DDX39A: variants seen among roughly 807,000 people sequenced by gnomAD.
The protein encoded by DDX39A is ATP-dependent RNA helicase DDX39A.
In DDX39A, 13 loss-of-function variants were observed where a neutral mutation model predicts 46.3. The observed-to-expected ratio is 0.28, with a 90% CI of 0.18 to 0.45. DDX39A has a LOEUF of 0.45. DDX39A is among the 20% of genes least tolerant of loss of function. The pLI, the probability that DDX39A is intolerant of heterozygous loss-of-function variation, is 1.00. For synonymous variants in DDX39A, 234 were observed against 224.6 expected (o/e 1.04, Z -0.38); for missense variants, 352 against 581.8 (o/e 0.61, Z 4.06).
At position 14,411,318 on chromosome 19, in the gene DDX39A, G is replaced by A. The variant is rs1038592774; in HGVS notation, c.430-146C>T. 6.5e-6 allele frequency: 7 copies of A among 1,082,716 alleles called. No individual in the cohort carries two copies. In the African/African-American group the frequency reaches 1.1e-4, roughly 17 times the overall value. 67.1% of individuals were successfully genotyped at this position (1,082,716 alleles called of 1,614,324 possible). On this transcript the variant is annotated intron_variant, in intron 4 of 10. Transcript: ENST00000242776. This position sits in a 1 kb window ranked among gnomAD's most constrained non-coding sequence, Gnocchi z 4.1. Reference sequence around the variant, plus strand: ...GGGCTCCACTCAAAGGCAGCCCCAGGCTGGGACCTGCGCAGGCCCCTGGGA... The same window carrying A: ...GGGCTCCACTCAAAGGCAGCCCCAGACTGGGACCTGCGCAGGCCCCTGGGA...
At chr19:14,413,252 C>A (rs781140368) in intron 1 of DDX39A, 28 bp from the exon 2 acceptor site, 4 of 1,592,460 alleles carry the variant, frequency 2.5e-6, no homozygotes, top group Non-Finnish European at 3.4e-6. Context: ...CAGGGTCCCG[C>A]GAGTGGGCAC....
At position 14,412,934 on chromosome 19, in the gene DDX39A, G is replaced by A; in HGVS notation, c.208+79C>T. 1 of 1,490,146 alleles carries A rather than the reference G, an allele frequency of 6.7e-7. No homozygotes were observed. Among genetic ancestry groups the A allele is most frequent in the Non-Finnish European group, 9.1e-7 (1 of 1,096,610 alleles). 92.3% of individuals were successfully genotyped at this position (1,490,146 alleles called of 1,614,324 possible). A position where few individuals can be genotyped will look rare whatever the true frequency, so the allele number is the denominator to read the frequency against. ...CTCCCTCACCCACGGCAAACTGGAG[G>A]CGGCACCGCTCTGGGCGGGCAGGGC... On this transcript the variant is annotated intron_variant, in intron 2 of 10. Coordinates refer to ENST00000242776, the MANE Select transcript of DDX39A (RefSeq NM_005804.4). This position sits in a 1 kb window ranked among gnomAD's most constrained non-coding sequence, Gnocchi z 4.4.
chr19:14,409,694 G>A lies in DDX39A; in HGVS notation c.864+48C>T, dbSNP rs1213755463. The A allele has an allele frequency of 6.2e-7, 1 of 1,611,448 alleles. No individual in the cohort carries two copies. The highest frequency in any genetic ancestry group is 1.3e-5 in the African/African-American group (1 of 74,876). Reference sequence around the variant, plus strand: ...GGCCACACAGTCCCTGTGGCCCAGTGACCTCCCGAAGGTCCTGAGCCCCAG... The same window carrying A: ...GGCCACACAGTCCCTGTGGCCCAGTAACCTCCCGAAGGTCCTGAGCCCCAG... On this transcript the variant is annotated intron_variant, in intron 7 of 10. Transcript: ENST00000242776. The surrounding 1 kb of genome is among the most constrained non-coding windows in gnomAD (Gnocchi z 8.3).
rs2146387030 is a variant in DDX39A, at chr19:14,410,595, G to A, written c.614-261C>T. On this transcript the variant is annotated intron_variant, in intron 5 of 10. Transcript: ENST00000242776. The surrounding 1 kb of genome is among the most constrained non-coding windows in gnomAD (Gnocchi z 4.3). ...CCCGTGCGCCTCGAGCCACGCTTCA[G>A]GGAGGGGAGCCTGAGGCAGAGACAG... 1 of 535,790 alleles carries A rather than the reference G, an allele frequency of 1.9e-6. No homozygotes were observed. Among genetic ancestry groups the A allele is most frequent in the African/African-American group, 1.9e-5 (1 of 52,650 alleles). The allele number at this position is 535,790 out of a possible 1,614,324, so 33.2% of individuals were successfully genotyped here. A position where few individuals can be genotyped will look rare whatever the true frequency, so the allele number is the denominator to read the frequency against.
intron 1 of DDX39A, among the ~76,000 whole-genome samples, chr19:14,415,564 T>G (rs1055113776): frequency 2.0e-4 from 30 of 152,010 alleles, no homozygotes; most frequent in Non-Finnish European, 3.4e-4. Context: ...TCCAAAGTGC[T>G]GGGATTACAG....
intron 1 of DDX39A, among the ~76,000 whole-genome samples, chr19:14,415,658 A>G (rs1976782883): frequency 6.6e-6 from 1 of 151,632 alleles, no homozygotes; most frequent in Non-Finnish European, 1.5e-5. Context: ...TTGCTTAACC[A>G]CTGTCAGCTG....
rs1976598820 is a variant in DDX39A at position 14,411,709 on chromosome 19, C to G, written c.337-111G>C. The G allele has an allele frequency of 5.4e-6, 5 of 920,742 alleles. No homozygotes were observed. Among genetic ancestry groups the G allele is most frequent in the Non-Finnish European group, 8.5e-6 (5 of 585,740 alleles). The allele number at this position is 920,742 out of a possible 1,614,324, so 57.0% of individuals were successfully genotyped here. ...TGACACTGCACCCAACATCACAGGC[C>G]ATTTGAAGGCCCGGTCCAAATGCCT... On this transcript the variant is annotated intron_variant, in intron 3 of 10. Transcript: ENST00000242776. This position sits in a 1 kb window ranked among gnomAD's most constrained non-coding sequence, Gnocchi z 4.1.
Position 14,411,305 on chromosome 19 carries a change from A to C in DDX39A, c.430-133T>G. ...TGAGAGCCTCCCGGGGCTCCACTCA[A>C]AGGCAGCCCCAGGCTGGGACCTGCG... is the stretch of plus-strand genomic sequence containing the variant. On this transcript the variant is annotated intron_variant, in intron 4 of 10. Transcript: ENST00000242776. The surrounding 1 kb of genome is among the most constrained non-coding windows in gnomAD (Gnocchi z 4.1). The C allele has an allele frequency of 2.6e-6, 3 of 1,159,656 alleles. No homozygotes were observed. The highest frequency in any genetic ancestry group is 3.6e-6 in the Non-Finnish European group (3 of 826,256). 71.8% of individuals were successfully genotyped at this position (1,159,656 alleles called of 1,614,324 possible).
At position 14,411,291 on chromosome 19, in the gene DDX39A, C is replaced by T. The variant is rs1464170996; in HGVS notation, c.430-119G>A. On this transcript the variant is annotated intron_variant, in intron 4 of 10. Transcript: ENST00000242776. The surrounding 1 kb of genome is among the most constrained non-coding windows in gnomAD (Gnocchi z 4.1). ...GACCAAGGCAGGCCTGAGAGCCTCCCGGGGCTCCACTCAAAGGCAGCCCCA... is the reference window on the plus strand; with the variant it reads ...GACCAAGGCAGGCCTGAGAGCCTCCTGGGGCTCCACTCAAAGGCAGCCCCA... 19 of 1,233,882 alleles carry T rather than the reference C, an allele frequency of 1.5e-5. No homozygotes were observed. Among genetic ancestry groups the T allele is most frequent in the East Asian group, 9.5e-5 (4 of 42,144 alleles). 76.4% of individuals were successfully genotyped at this position (1,233,882 alleles called of 1,614,324 possible). A position where few individuals can be genotyped will look rare whatever the true frequency, so the allele number is the denominator to read the frequency against.
rs1169484039 is a variant in DDX39A at position 14,411,947 on chromosome 19, C to T, written c.337-349G>A. Among the ~76,000 whole-genome samples the T allele has an allele frequency of 3.3e-5, 5 of 152,208 alleles. No homozygotes were observed. The highest frequency in any genetic ancestry group is 3.3e-4 in the Admixed American group (5 of 15,274). ...ATCTCGGCACTCGGGCGGCCCCGGT[C>T]TTCCCACCCGTGCCATCAGACACTG... On this transcript the variant is annotated intron_variant, in intron 3 of 10. Coordinates refer to ENST00000242776, the MANE Select transcript of DDX39A (RefSeq NM_005804.4). This position sits in a 1 kb window ranked among gnomAD's most constrained non-coding sequence, Gnocchi z 4.1.
rs1396640221 is a variant in DDX39A, at chr19:14,413,256, TGG to T, written c.-4-34_-4-33del. ...AGAGAGAGAGGCAGGGTCCCGCGAG[TGG>T]GCACAGAAGGATGATGAAGCTTCAT... is the stretch of plus-strand genomic sequence containing the variant. On this transcript the variant is annotated intron_variant, in intron 1 of 10. Coordinates refer to ENST00000242776, the MANE Select transcript of DDX39A (RefSeq NM_005804.4). The T allele has an allele frequency of 1.9e-6, 3 of 1,588,318 alleles. No individual in the cohort carries two copies. In the East Asian group the frequency reaches 6.7e-5, roughly 36 times the overall value.
In DDX39A at chr19:14,412,941, C is replaced by A; in HGVS notation, c.208+72G>T. The A allele has an allele frequency of 6.6e-7, 1 of 1,522,406 alleles. No individual in the cohort carries two copies. The highest frequency in any genetic ancestry group is 1.2e-5 in the South Asian group (1 of 80,946). 94.3% of individuals were successfully genotyped at this position (1,522,406 alleles called of 1,614,324 possible). A position where few individuals can be genotyped will look rare whatever the true frequency, so the allele number is the denominator to read the frequency against. On this transcript the variant is annotated intron_variant, in intron 2 of 10. Transcript: ENST00000242776. This position sits in a 1 kb window ranked among gnomAD's most constrained non-coding sequence, Gnocchi z 4.4. ...ACCCACGGCAAACTGGAGGCGGCAC[C>A]GCTCTGGGCGGGCAGGGCTGGTCTT...
intron 1 of DDX39A, 200 bp downstream of exon 1, chr19:14,419,070 A>G (rs546830125): frequency 1.4e-4 from 60 of 439,188 alleles, no homozygotes; most frequent in South Asian, 8.8e-4. Context: ...ACCGCGCGCC[A>G]ACGGCTGGCC....
intron 1 of DDX39A, 44 bp from the exon 2 acceptor site, chr19:14,413,268 G>T: frequency 6.5e-7 from 1 of 1,546,684 alleles, no homozygotes; most frequent in Non-Finnish European, 8.8e-7. Context: ...GGCACAGAAG[G>T]ATGATGAAGC....
Position 14,412,408 on chromosome 19 carries a change from A to G in DDX39A, c.336+143T>C. On this transcript the variant is annotated intron_variant, in intron 3 of 10. Coordinates refer to ENST00000242776, the MANE Select transcript of DDX39A (RefSeq NM_005804.4). The surrounding 1 kb of genome is among the most constrained non-coding windows in gnomAD (Gnocchi z 4.4). ...CAGTGGTGTGATCATAGCACACTGCAGCCTCGACTTCCTGGGCTCAAGCAA... is the reference window on the plus strand; with the variant it reads ...CAGTGGTGTGATCATAGCACACTGCGGCCTCGACTTCCTGGGCTCAAGCAA... 8.7e-7 allele frequency: 1 copy of G among 1,148,384 alleles called. No homozygotes were observed. 71.1% of individuals were successfully genotyped at this position (1,148,384 alleles called of 1,614,324 possible). A position where few individuals can be genotyped will look rare whatever the true frequency, so the allele number is the denominator to read the frequency against.
chr19:14,412,701 G>C lies in DDX39A; in HGVS notation c.209-23C>G, dbSNP rs773412254. ...GGACTGCAGGAGAAGCAGAGCGTGA[G>C]GGACGAGAACCTGGATGCACCCCCG... On this transcript the variant is annotated intron_variant, in intron 2 of 10. Coordinates refer to ENST00000242776, the MANE Select transcript of DDX39A (RefSeq NM_005804.4). This position sits in a 1 kb window ranked among gnomAD's most constrained non-coding sequence, Gnocchi z 4.4. 8 of 1,588,994 alleles carry C rather than the reference G, an allele frequency of 5.0e-6. No individual in the cohort carries two copies. The highest frequency in any genetic ancestry group is 6.8e-6 in the Non-Finnish European group (8 of 1,171,746).
intron 1 of DDX39A, among the ~76,000 whole-genome samples, chr19:14,415,007 C>CAGAT (rs1041651546): frequency 6.6e-6 from 1 of 151,142 alleles, no homozygotes; most frequent in African/African-American, 2.4e-5. Flanking sequence ...CCACTTAAGG[C>CAGAT]AGATAATTCA....
intron 1 of DDX39A, 21 bp from the exon 2 acceptor site, chr19:14,413,245 G>A: frequency 6.2e-7 from 1 of 1,604,922 alleles, no homozygotes. Context: ...AGAGAGGCAG[G>A]GTCCCGCGAG....
At chr19:14,414,748 G>A (rs1320821269) in intron 1 of DDX39A, among the ~76,000 whole-genome samples, 3 of 148,666 alleles carry the variant, frequency 2.0e-5, no homozygotes, top group Non-Finnish European at 3.0e-5. Context: ...TGGGTCACCT[G>A]AAGTCAGGAG....
Sources: allele counts gnomAD v4.1 joint callset (sites outside exome capture counted in the v4.1 genomes callset), GRCh38; gene constraint gnomAD v4.1.1; non-coding constraint Gnocchi (gnomAD v3.1); transcripts MANE v1.5; gene names NCBI Gene and HGNC (gene_info 2026-07-23, HGNC 2026-07-21).